Variants in FLYWCH1 observed in about 807,000 individuals in gnomAD.
FLYWCH1 encodes the protein FLYWCH-type zinc finger 1, also known as FLYWCH-type zinc finger-containing protein 1.
FLYWCH1 carries 75 observed loss-of-function variants against 66.4 expected under a neutral mutation model. The ratio of observed to expected loss-of-function variants is 1.13; its 90% CI spans 0.94 to 1.37. The LOEUF (loss-of-function observed/expected upper bound fraction) is 1.37. FLYWCH1 is among the 40% of genes most tolerant of loss of function. The pLI is 0.00. For synonymous variants in FLYWCH1, 595 were observed against 429.9 expected, an observed-to-expected ratio of 1.38 and a Z score of -4.75; for missense variants, 1,334 against 1,001.8, an observed-to-expected ratio of 1.33 and a Z score of -4.48.
Position 2,933,310 on chromosome 16 carries a change from T to C in FLYWCH1, c.977T>C (p.Met326Thr), listed in dbSNP as rs1238850461. 2 of 1,611,206 alleles carry C rather than the reference T, an allele frequency of 1.2e-6. No homozygotes were observed. Among genetic ancestry groups the C allele is most frequent in the Admixed American group, 3.4e-5 (2 of 59,670 alleles). ...ACCCAGGGACAGCGGGTGACTGTGATGCGTGGGCACTGCCACCAGCCCGAT... is the reference window on the plus strand; with the variant it reads ...ACCCAGGGACAGCGGGTGACTGTGACGCGTGGGCACTGCCACCAGCCCGAT... ...AITQGQRVTV[M>T]RGHCHQPDME... Residue 326 changes from methionine to threonine, a missense_variant, in exon 5 of 10, where the codon ATG (methionine) becomes ACG (threonine). Transcript: ENST00000253928.
chr16:2,941,447 T>A (rs2071257980), intron 9 of FLYWCH1, among the ~76,000 whole-genome samples: 1 of 152,106 alleles, frequency 6.6e-6, no homozygotes, highest in Admixed American at 6.6e-5. Flanking sequence ...TGAGACCTCG[T>A]CTCTGCCAAA....
chr16:2,922,781 G>T, intron 2 of FLYWCH1: 1 of 521,204 alleles, frequency 1.9e-6, no homozygotes, highest in East Asian at 5.4e-5. Context: ...CCACCTCACA[G>T]AGTTCTTCAC....
intron 4 of FLYWCH1, among the ~76,000 whole-genome samples, chr16:2,932,153 C>T (rs367650981): frequency 2.0e-5 from 3 of 146,678 alleles, no homozygotes; most frequent in East Asian, 2.0e-4. Context: ...GGCGTGGAGG[C>T]GCCTGCAATC....
At chr16:2,935,929 G>C (rs1032765875) in intron 6 of FLYWCH1, 2 of 127,040 alleles carry the variant, frequency 1.6e-5, no homozygotes, top group Non-Finnish European at 3.4e-5. Flanking sequence ...TTTTTTTTTT[G>C]AGACAGTTTC....
chr16:2,939,537 C>CTTGAAAGAAAA (rs758092943), intron 8 of FLYWCH1, among the ~76,000 whole-genome samples: 3,665 of 78,154 alleles, frequency 0.047, 104 homozygotes, highest in Middle Eastern at 0.1. Context: ...ATGGTGAAAC[C>CTTGAAAGAAAA]CTGTCTCTAA....
chr16:2,916,492 C>T (rs2070172160), intron 2 of FLYWCH1, among the ~76,000 whole-genome samples: 2 of 151,864 alleles, frequency 1.3e-5, no homozygotes, highest in South Asian at 2.1e-4. Context: ...AAAAAATTAT[C>T]CAGGCCTGGT....
rs774388764 is a variant in FLYWCH1 at position 2,933,437 on chromosome 16, C to A, written c.1104C>A (p.Gly368=). The A allele has an allele frequency of 6.2e-7, 1 of 1,600,886 alleles. No individual in the cohort carries two copies. The highest frequency in any genetic ancestry group is 1.1e-5 in the South Asian group (1 of 89,224). ...GCCAAGTGGACACGCTGCTCCGAGG[C>A]GTGGATAGTTTGCTCTACCGCAGGG... is the stretch of plus-strand genomic sequence containing the variant. ...PGSQVDTLLR[G]VDSLLYRRGP... The change falls in exon 5 of 10, where the codon GGC becomes GGA. Residue 368 remains glycine, a synonymous_variant. Transcript: ENST00000253928.
intron 2 of FLYWCH1, among the ~76,000 whole-genome samples, chr16:2,927,694 C>G (rs924302189): frequency 1.3e-5 from 2 of 152,230 alleles, no homozygotes; most frequent in African/African-American, 4.8e-5. Context: ...TCATGAGACT[C>G]TTAATCTCAG....
Position 2,948,803 on chromosome 16 carries a change from T to A in FLYWCH1, c.*76T>A. Reference sequence around the variant, plus strand: ...TCCACACAGGCACTTCCCATCCACCTAGGTTTGGCTTAGCAGAAACTTCTT... The same window carrying A: ...TCCACACAGGCACTTCCCATCCACCAAGGTTTGGCTTAGCAGAAACTTCTT... On this transcript the variant is annotated 3_prime_UTR_variant, in exon 10 of 10. Coordinates refer to ENST00000253928, the MANE Select transcript of FLYWCH1 (RefSeq NM_001308068.2). The A allele has an allele frequency of 7.3e-7, 1 of 1,367,298 alleles. No individual in the cohort carries two copies. The highest frequency in any genetic ancestry group is 1.0e-6 in the Non-Finnish European group (1 of 959,596). The allele number at this position is 1,367,298 out of a possible 1,614,324, so 84.7% of individuals were successfully genotyped here.
At chr16:2,914,565 T>C (rs1382229268) in intron 2 of FLYWCH1, among the ~76,000 whole-genome samples, 6 of 152,146 alleles carry the variant, frequency 3.9e-5, no homozygotes, top group Non-Finnish European at 7.3e-5. Context: ...GAGCTTTCCA[T>C]GCAAATCTGC....
rs1355156850 is a variant in FLYWCH1, at chr16:2,951,049, G to C, written c.*2322G>C. 6.6e-6 allele frequency: 1 copy of C among 152,302 alleles called. No individual in the cohort carries two copies. The highest frequency in any genetic ancestry group is 6.5e-5 in the Admixed American group (1 of 15,284). The allele number at this position is 152,302 out of a possible 1,614,324, so 9.4% of individuals were successfully genotyped here. On this transcript the variant is annotated 3_prime_UTR_variant, in exon 10 of 10. Transcript: ENST00000253928. ...CGTGCAGCCCGGCAGCAGCTCAGCG[G>C]GGCAGCTCCTGCTTCCAGCCCTGCC... is the stretch of plus-strand genomic sequence containing the variant.
chr16:2,944,309 G>C (rs376729063), intron 9 of FLYWCH1, among the ~76,000 whole-genome samples: 2 of 149,574 alleles, frequency 1.3e-5, no homozygotes, highest in African/African-American at 4.9e-5. Flanking sequence ...AGAATCGCTT[G>C]AAACTGGGAG....
At chr16:2,935,172 C>G (rs1303012589) in intron 6 of FLYWCH1, 1 of 152,750 alleles carries the variant, frequency 6.5e-6, no homozygotes, top group Non-Finnish European at 1.5e-5. Context: ...ATCTGCCTGC[C>G]TCGGCCTCCC....
intron 2 of FLYWCH1, among the ~76,000 whole-genome samples, chr16:2,923,526 G>A (rs1235756357): frequency 1.3e-5 from 2 of 152,158 alleles, no homozygotes; most frequent in Non-Finnish European, 2.9e-5. Flanking sequence ...GATGGCAGGC[G>A]TGAGCCACAG....
rs779967820 is a variant in FLYWCH1, at chr16:2,948,879, CAGG to C, written c.*157_*159del. On this transcript the variant is annotated 3_prime_UTR_variant, in exon 10 of 10. Transcript: ENST00000253928. ...CTTCGCGTCTCCTCAGGAGGTCTCC[CAGG>C]AGGAATTCTTGGATGGTGTCCTCAT... 1.5e-6 allele frequency: 1 copy of C among 652,842 alleles called. No individual in the cohort carries two copies. The highest frequency in any genetic ancestry group is 2.7e-6 in the Non-Finnish European group (1 of 374,994). The allele number at this position is 652,842 out of a possible 1,614,324, so 40.4% of individuals were successfully genotyped here.
At chr16:2,939,900 C>A in intron 8 of FLYWCH1, 132 bp from the exon 9 acceptor site, 1 of 1,025,314 alleles carries the variant, frequency 9.8e-7, no homozygotes, top group Non-Finnish European at 1.4e-6. Flanking sequence ...GTTGAATTCC[C>A]AGCGTTGCTT....
chr16:2,935,121 C>G (rs2070944425), intron 6 of FLYWCH1: 1 of 152,744 alleles, frequency 6.5e-6, no homozygotes, highest in African/African-American at 2.4e-5. Context: ...CAGAGTTTTA[C>G]CATGTTGGCC....
chr16:2,936,819 C>T (rs1178919037), intron 6 of FLYWCH1: 4 of 584,548 alleles, frequency 6.8e-6, no homozygotes, highest in Non-Finnish European at 6.5e-6. Flanking sequence ...CAAGCCTGGG[C>T]GGGTGCTGGG....
chr16:2,941,881 C>T (rs1238460359), intron 9 of FLYWCH1, among the ~76,000 whole-genome samples: 1 of 148,948 alleles, frequency 6.7e-6, no homozygotes, highest in African/African-American at 2.5e-5. Context: ...ATTAGCCAGG[C>T]GTGGTGGTGG....
Sources: allele counts gnomAD v4.1 joint callset (sites outside exome capture counted in the v4.1 genomes callset), GRCh38; gene constraint gnomAD v4.1.1; transcripts MANE v1.5; gene names NCBI Gene and HGNC (gene_info 2026-07-23, HGNC 2026-07-21).